ULK4: variants seen among roughly 807,000 people sequenced by gnomAD.
ULK4 encodes unc-51 like kinase 4, also known as inactive serine/threonine-protein kinase ULK4.
ULK4 carries 133 observed loss-of-function variants against 160.6 expected under a neutral mutation model. That is an observed-to-expected ratio of 0.83 (90% CI 0.72 to 0.96). The LOEUF is 0.96. Among genes scored for constraint, ULK4 ranks in the 40% least tolerant of loss-of-function variants. ULK4 has a pLI of 0.00. For missense variants in ULK4, 1,580 were observed against 1,499.5 expected, an observed-to-expected ratio of 1.05 and a Z score of -0.89; for synonymous variants, 534 against 539.8, an observed-to-expected ratio of 0.99 and a Z score of 0.15.
chr3:41,912,426 T>G (rs972936417), intron 9 of ULK4, among the ~76,000 whole-genome samples: 1 of 152,056 alleles, frequency 6.6e-6, no homozygotes, highest in Non-Finnish European at 1.5e-5. Flanking sequence ...GCTCTTCAAC[T>G]TTGCATCTGG....
chr3:41,753,113 G>C (rs116615578), intron 22 of ULK4, among the ~76,000 whole-genome samples: 1,862 of 152,228 alleles, frequency 0.012, 36 homozygotes, highest in African/African-American at 0.04. Flanking sequence ...TACTCCAGAA[G>C]CTGAAATGAG....
Position 41,831,418 on chromosome 3 carries a change from G to GTT in ULK4, c.1764+4444_1764+4445dup, listed in dbSNP as rs35015207. On this transcript the variant is annotated intron_variant, in intron 18 of 36. Transcript: ENST00000301831. ...GTGTACATATCTCCATATACTAGTC[G>GTT]TTTTTTTTTTTTTTAATGGTGGTAT... Among the ~76,000 whole-genome samples the GTT allele has an allele frequency of 4.5e-3, 621 of 137,540 alleles. 4 individuals carry two copies. The highest frequency in any genetic ancestry group is 8.1e-3 in the African/African-American group (302 of 37,394). The allele number at this position is 137,540 out of a possible 152,430, so 90.2% of individuals were successfully genotyped here.
At chr3:41,493,629 G>T (rs7633611) in intron 32 of ULK4, among the ~76,000 whole-genome samples, 123,755 of 137,430 alleles carry the variant, frequency 0.9, 56,311 homozygotes, top group Middle Eastern at 0.96. Flanking sequence ...AAAAAATCAG[G>T]GAATCCAGGA....
rs566031135 is a variant in ULK4 at position 41,722,671 on chromosome 3, AAGAG to A, written c.2322-4814_2322-4811del. Among the ~76,000 whole-genome samples the A allele has an allele frequency of 2.5e-3, 375 of 152,290 alleles. 1 individual carries two copies. The highest frequency in any genetic ancestry group is 7.9e-3 in the African/African-American group (329 of 41,570). ...TTAAAATTAAATTAAAATAAAATGA[AAGAG>A]AGCCTGACATCTCTTCAGAGATTAG... On this transcript the variant is annotated intron_variant, in intron 22 of 36. Coordinates refer to ENST00000301831, the MANE Select transcript of ULK4 (RefSeq NM_017886.4).
intron 27 of ULK4, among the ~76,000 whole-genome samples, chr3:41,691,943 CTTT>C (rs751734628): frequency 1.1e-3 from 105 of 96,334 alleles, no homozygotes; most frequent in African/African-American, 5.4e-3. Flanking sequence ...CAAATCACTT[CTTT>C]TTTTTTTTTT....
intron 21 of ULK4, among the ~76,000 whole-genome samples, chr3:41,775,151 A>G (rs1271653293): frequency 2.7e-5 from 4 of 150,144 alleles, no homozygotes; most frequent in Non-Finnish European, 5.9e-5. Flanking sequence ...CAGCACACCA[A>G]CATGGCACAT....
At chr3:41,784,152 T>C (rs1433076426) in intron 21 of ULK4, among the ~76,000 whole-genome samples, 4 of 152,124 alleles carry the variant, frequency 2.6e-5, no homozygotes, top group Non-Finnish European at 4.4e-5. Flanking sequence ...AGTTTCCTAT[T>C]GGCCAGGCGT....
At chr3:41,384,917 T>G (rs1187384992) in intron 35 of ULK4, among the ~76,000 whole-genome samples, 1 of 152,106 alleles carries the variant, frequency 6.6e-6, no homozygotes, top group African/African-American at 2.4e-5. Context: ...TAGCTGGGCA[T>G]GCTGGTGCAT....
chr3:41,713,204 T>C (rs2037162303), intron 25 of ULK4, among the ~76,000 whole-genome samples: 1 of 152,226 alleles, frequency 6.6e-6, no homozygotes, highest in South Asian at 2.1e-4. Context: ...TGTACATTTC[T>C]AAGGGTCTGT....
intron 34 of ULK4, among the ~76,000 whole-genome samples, chr3:41,427,617 T>C (rs556395693): frequency 9.8e-5 from 15 of 152,352 alleles, no homozygotes; most frequent in African/African-American, 3.4e-4. Context: ...TGGTTCCACA[T>C]ATGTAAGTCA....
chr3:41,417,672 A>T (rs1006607218), intron 34 of ULK4, among the ~76,000 whole-genome samples: 3 of 152,264 alleles, frequency 2.0e-5, no homozygotes. Context: ...GGAACAAGAG[A>T]AAAGGCAGGT....
intron 32 of ULK4, among the ~76,000 whole-genome samples, chr3:41,472,664 T>C (rs530408679): frequency 2.1e-4 from 32 of 151,972 alleles, no homozygotes; most frequent in Non-Finnish European, 4.0e-4. Context: ...CAGGACCTAA[T>C]GGCTTCACTG....
chr3:41,857,514 T>TTGA (rs1474791024), intron 17 of ULK4, among the ~76,000 whole-genome samples: 17 of 152,186 alleles, frequency 1.1e-4, no homozygotes, highest in African/African-American at 3.6e-4. Context: ...TTTATTTTTC[T>TTGA]TGAGTAGTTT....
rs535885618 is a variant in ULK4, at chr3:41,394,333, G to A, written c.3678+3746C>T. Among the ~76,000 whole-genome samples the A allele has an allele frequency of 2.6e-4, 40 of 152,178 alleles. No homozygotes were observed. The South Asian group carries it at 7.9e-3, about 30-fold the overall frequency. On this transcript the variant is annotated intron_variant, in intron 35 of 36. Coordinates refer to ENST00000301831, the MANE Select transcript of ULK4 (RefSeq NM_017886.4). ...GACAGGTAGTATCACACTCCTCTTT[G>A]GGTAACCTGCTGCTATTTCTCTCCA...
At chr3:41,692,096 C>T (rs768703847) in intron 27 of ULK4, among the ~76,000 whole-genome samples, 5 of 151,248 alleles carry the variant, frequency 3.3e-5, no homozygotes, top group African/African-American at 4.8e-5. Flanking sequence ...GGACTACAGG[C>T]GCCCACCACC....
chr3:41,953,858 G>A (rs1221010277), intron 2 of ULK4, among the ~76,000 whole-genome samples: 1 of 152,054 alleles, frequency 6.6e-6, no homozygotes, highest in African/African-American at 2.4e-5. Flanking sequence ...GACCAGCCTG[G>A]GCAACATAGC....
Position 41,896,973 on chromosome 3 carries a change from T to C in ULK4, c.1379A>G (p.Asp460Gly), listed in dbSNP as rs371734819. Residue 460 changes from aspartate (D) to glycine (G), a missense_variant, in exon 15 of 37, where the codon GAT becomes GGT. Transcript: ENST00000301831. ...VDKLLFLKDQ[D>G]WNDFLQQVCS... ...CACTTGTTGCAAAAAGTCATTCCAATCTTGATCTTTCAGAAATAATAACTT... is the reference window on the plus strand; with the variant it reads ...CACTTGTTGCAAAAAGTCATTCCAACCTTGATCTTTCAGAAATAATAACTT... The C allele has an allele frequency of 1.2e-6, 2 of 1,612,650 alleles. No homozygotes were observed. The highest frequency in any genetic ancestry group is 1.7e-6 in the Non-Finnish European group (2 of 1,179,728).
chr3:41,766,568 A>C (rs2039169107), intron 21 of ULK4: 1 of 152,252 alleles, frequency 6.6e-6, no homozygotes, highest in Non-Finnish European at 1.5e-5. Context: ...ACAGAATATC[A>C]CTAAGTAAAA....
intron 27 of ULK4, among the ~76,000 whole-genome samples, chr3:41,703,830 G>A (rs1028573185): frequency 1.1e-4 from 13 of 117,506 alleles, no homozygotes; most frequent in Non-Finnish European, 2.2e-4. Flanking sequence ...GATTTAATGC[G>A]CATGCACACA....
Sources: gnomAD v4.1 joint callset for allele counts (sites outside exome capture counted in the v4.1 genomes callset) on GRCh38, gnomAD v4.1.1 for gene constraint, MANE v1.5 for transcripts, NCBI Gene and HGNC (gene_info 2026-07-23, HGNC 2026-07-21) for gene names.